The following E2F8 variants were observed in gnomAD, a reference collection of about 807,000 sequenced individuals.
E2F8 encodes the protein transcription factor E2F8.
Under a neutral mutation model 80.8 loss-of-function variants are expected in E2F8, and 35 were observed. The ratio of observed to expected loss-of-function variants is 0.43; its 90% CI spans 0.33 to 0.57. The LOEUF (loss-of-function observed/expected upper bound fraction) is 0.57, where lower values mean the gene tolerates loss of function less well. Ranked by LOEUF, E2F8 falls within the 20% of genes least tolerant of loss-of-function variation. The pLI is 0.04. For synonymous variants in E2F8, 386 were observed against 395.0 expected, an observed-to-expected ratio of 0.98 and a Z score of 0.27; for missense variants, 975 against 1,056.2, an observed-to-expected ratio of 0.92 and a Z score of 1.07.
intron 3 of E2F8, 113 bp from the exon 4 acceptor site, chr11:19,237,583 C>T (rs76950800): frequency 0.014 from 16,275 of 1,199,476 alleles, 154 homozygotes; most frequent in Middle Eastern, 0.02. Context: ...GCTTCAACAG[C>T]TGCAAAGTCT....
intron 4 of E2F8, among the ~76,000 whole-genome samples, chr11:19,237,053 T>C (rs1456541912): frequency 6.6e-5 from 10 of 152,214 alleles, no homozygotes; most frequent in Admixed American, 5.2e-4. Flanking sequence ...TGAGACAATA[T>C]TGCCTTTCTT....
At chr11:19,234,226 G>A (rs960486441) in intron 6 of E2F8, 134 bp downstream of exon 6, 2 of 939,434 alleles carry the variant, frequency 2.1e-6, no homozygotes, top group Non-Finnish European at 3.1e-6. Flanking sequence ...ATGGCTTCTG[G>A]GGAGAAGATA....
At chr11:19,233,834 G>A (rs371990157) in intron 6 of E2F8, among the ~76,000 whole-genome samples, 1 of 151,876 alleles carries the variant, frequency 6.6e-6, no homozygotes, top group Non-Finnish European at 1.5e-5. Context: ...GAAGCAATGT[G>A]TCAAATAAGA....
chr11:19,236,374 A>G (rs372339899), intron 4 of E2F8, among the ~76,000 whole-genome samples: 3 of 152,300 alleles, frequency 2.0e-5, no homozygotes, highest in African/African-American at 7.2e-5. Flanking sequence ...GTTACCTTCT[A>G]GCATGTATTA....
At chr11:19,234,653 A>T (rs1385975694) in intron 5 of E2F8, 91 bp downstream of exon 5, 1 of 1,526,074 alleles carries the variant, frequency 6.6e-7, no homozygotes, top group Non-Finnish European at 8.8e-7. Flanking sequence ...TAAAGGCAGC[A>T]GTAGCTTTAG....
chr11:19,237,316 A>T lies in E2F8; in HGVS notation c.449T>A (p.Leu150His), dbSNP rs753708481. The T allele has an allele frequency of 6.2e-7, 1 of 1,614,034 alleles. No homozygotes were observed. ...CAGTGAGTTCTTTGCATACTTACTAAGTTCCTCTGCCACTTCGTCAAGGCA... is the reference window on the plus strand; with the variant it reads ...CAGTGAGTTCTTTGCATACTTACTATGTTCCTCTGCCACTTCGTCAAGGCA... ...DICLDEVAEE[L>H]NVERRRIYDI... Residue 150 changes from leucine (L) to histidine (H), a missense_variant and splice_region_variant, in exon 4 of 13, where the codon CTT (leucine) becomes CAT (histidine). Transcript: ENST00000250024.
chr11:19,233,798 T>C (rs148767135), intron 6 of E2F8, among the ~76,000 whole-genome samples: 226 of 152,040 alleles, frequency 1.5e-3, no homozygotes, highest in African/African-American at 5.3e-3. Flanking sequence ...GTGTTTACTT[T>C]TGAGAACAAT....
rs763514201 is a variant in E2F8, at chr11:19,225,794, G to A, written c.1964C>T (p.Ser655Phe). ...CSSLGAESIL[S>F]GKENSSALSP... ...AAGAGCACTTGAGTTTTCTTTACCA[G>A]ACAAAATGGACTCTGCCCCCAGGGA... Residue 655 changes from serine to phenylalanine, a missense_variant, in exon 11 of 13, where the codon TCT becomes TTT. Ser to Phe is a radical substitution (Grantham distance 155). Coordinates refer to ENST00000250024, the MANE Select transcript of E2F8 (RefSeq NM_024680.4). The A allele has an allele frequency of 6.2e-7, 1 of 1,614,060 alleles. No homozygotes were observed. Among genetic ancestry groups the A allele is most frequent in the East Asian group, 2.2e-5 (1 of 44,858 alleles).
At chr11:19,233,373 C>A (rs1851428016) in intron 6 of E2F8, among the ~76,000 whole-genome samples, 1 of 152,190 alleles carries the variant, frequency 6.6e-6, no homozygotes, top group Admixed American at 6.5e-5. Context: ...CTTCTGGGGA[C>A]AATTTTATGA....
At chr11:19,236,678 C>T (rs550271834) in intron 4 of E2F8, among the ~76,000 whole-genome samples, 68 of 152,244 alleles carry the variant, frequency 4.5e-4, no homozygotes, top group African/African-American at 1.4e-3. Context: ...GGGGTGATTG[C>T]TTTGTATTAA....
chr11:19,230,869 A>T, intron 7 of E2F8, 35 bp from the exon 8 acceptor site: 1 of 1,604,796 alleles, frequency 6.2e-7, no homozygotes, highest in East Asian at 2.2e-5. Flanking sequence ...TAAAACCTGG[A>T]TGGCTCAGTT....
intron 10 of E2F8, among the ~76,000 whole-genome samples, chr11:19,227,699 C>A (rs1462138781): frequency 2.0e-5 from 3 of 152,138 alleles, no homozygotes; most frequent in Non-Finnish European, 2.9e-5. Flanking sequence ...TTCTTTCCAC[C>A]CCTAGAAGTA....
chr11:19,235,666 CA>C (rs57848611), intron 4 of E2F8, among the ~76,000 whole-genome samples: 83,314 of 147,448 alleles, frequency 0.57, 23,586 homozygotes, highest in Non-Finnish European at 0.63. Flanking sequence ...AACAAACAAA[CA>C]AAAAAAAAAA....
Position 19,224,746 on chromosome 11 carries a change from A to G in E2F8, c.2516T>C (p.Met839Thr), listed in dbSNP as rs1158839400. Residue 839 changes from methionine to threonine, a missense_variant, in exon 13 of 13, where the codon ATG becomes ACG. Met to Thr is a moderately conservative substitution (Grantham distance 81). Transcript: ENST00000250024. The part of the protein sequence containing the change: ...GPTKPTSSSC[M>T]DFEGANKTSL... The stretch of plus-strand genomic sequence containing the variant: ...GGTTTTATTAGCACCCTCAAAATCC[A>G]TGCAGGATGAGCTGGTTGGCTTGGT... The G allele has an allele frequency of 1.2e-6, 2 of 1,614,220 alleles. No individual in the cohort carries two copies. Among genetic ancestry groups the G allele is most frequent in the South Asian group, 2.2e-5 (2 of 91,082 alleles).
Position 19,230,724 on chromosome 11 carries a change from G to A in E2F8, c.1177C>T (p.Arg393Ter), listed in dbSNP as rs1851356020. ...ACCAATTTGATAAGAGATGGGTGTC[G>A]AGTAAAGTTTGGTTTCCCACGTGTG... The part of the protein sequence containing the change: ...FSTRGKPNFT[R>*]HPSLIKLVKS... Residue 393 changes from arginine (R) to a stop codon, truncating the protein, a stop_gained, in exon 8 of 13, where the codon CGA (arginine) becomes TGA (stop). Transcript: ENST00000250024. LOFTEE classifies it high-confidence loss of function. 6 of 1,614,008 alleles carry A rather than the reference G, an allele frequency of 3.7e-6. No homozygotes were observed. Among genetic ancestry groups the A allele is most frequent in the Non-Finnish European group, 5.1e-6 (6 of 1,180,010 alleles).
rs10558787 is a variant in E2F8, at chr11:19,224,469, ATG to A, written c.*187_*188del. The A allele has an allele frequency of 0.21, 73,823 of 345,148 alleles. 4,295 individuals are homozygous for A. Among genetic ancestry groups the A allele is most frequent in the African/African-American group, 0.29 (13,454 of 47,106 alleles). The allele number at this position is 345,148 out of a possible 1,614,324, so 21.4% of individuals were successfully genotyped here. A position where few individuals can be genotyped will look rare whatever the true frequency, so the allele number is the denominator to read the frequency against. ...GCTAAACTTAGCTTTATACAAATAT[ATG>A]TGTGTGTGTGTGTGTGTGTGTGTGT... On this transcript the variant is annotated 3_prime_UTR_variant, in exon 13 of 13. Transcript: ENST00000250024.
Position 19,237,952 on chromosome 11 carries a change from G to A in E2F8, c.196C>T (p.Leu66Phe), listed in dbSNP as rs753264377. ...ATCTCAGGGCTCACAGCACTGATGAGCATTTTCAGGTTGGCTGTCGGTGTC... is the reference window on the plus strand; with the variant it reads ...ATCTCAGGGCTCACAGCACTGATGAACATTTTCAGGTTGGCTGTCGGTGTC... Reference protein sequence around the residue: ...PWTPTANLKMLISAVSPEIRN... With the variant: ...PWTPTANLKMFISAVSPEIRN... Residue 66 changes from leucine (L) to phenylalanine (F), a missense_variant, in exon 3 of 13, where the codon CTC becomes TTC. By Grantham distance (22) the Leu-to-Phe change is conservative (BLOSUM62 0). Coordinates refer to ENST00000250024, the MANE Select transcript of E2F8 (RefSeq NM_024680.4). 3.7e-6 allele frequency: 6 copies of A among 1,614,036 alleles called. No individual in the cohort carries two copies. Among genetic ancestry groups the A allele is most frequent in the Middle Eastern group, 3.3e-4 (2 of 6,084 alleles).
chr11:19,235,195 A>C (rs974788472), intron 4 of E2F8, 137 bp from the exon 5 acceptor site: 6 of 775,234 alleles, frequency 7.7e-6, no homozygotes, highest in Non-Finnish European at 1.2e-5. Context: ...CATACTCAAC[A>C]AATACTGTGA....
In E2F8 at chr11:19,237,906, C is replaced by T. The variant is rs762902793; in HGVS notation, c.242G>A (p.Arg81Lys). ...TCCACTTCTGTTGTCAAACAAACCC[C>T]TTTTCTGATCTCTGTTGCGGATCTC... ...SPEIRNRDQK[R>K]GLFDNRSGLP... The change falls in exon 3 of 13, where the codon AGG becomes AAG. Residue 81 changes from arginine (R) to lysine (K), a missense_variant. By Grantham distance (26) the Arg-to-Lys change is conservative (BLOSUM62 2). Transcript: ENST00000250024. 1.2e-6 allele frequency: 2 copies of T among 1,614,104 alleles called. No individual in the cohort carries two copies. The highest frequency in any genetic ancestry group is 3.3e-5 in the Admixed American group (2 of 60,024).
Sources: gnomAD v4.1 joint callset for allele counts (sites outside exome capture counted in the v4.1 genomes callset) on GRCh38, gnomAD v4.1.1 for gene constraint, MANE v1.5 for transcripts, NCBI Gene and HGNC (gene_info 2026-07-23, HGNC 2026-07-21) for gene names.